SEC14L2: variants seen among roughly 807,000 people sequenced by gnomAD.
The protein encoded by SEC14L2 is SEC14-like protein 2.
A neutral mutation model predicts 56.9 loss-of-function variants in SEC14L2; 50 were observed. That is an observed-to-expected ratio of 0.88 (90% CI 0.70 to 1.11). SEC14L2 has a LOEUF of 1.11. Ranked by LOEUF, SEC14L2 falls within the 50% of genes most tolerant of loss-of-function variation. SEC14L2 has a pLI of 0.00. For missense variants in SEC14L2, 414 were observed against 500.7 expected (o/e 0.83, Z 1.65); for synonymous variants, 179 against 188.5 (o/e 0.95, Z 0.41).
At chr22:30,402,740 G>A in intron 2 of SEC14L2, among the ~76,000 whole-genome samples, 1 of 143,590 alleles carries the variant, frequency 7.0e-6, no homozygotes. Context: ...TCTCAATTGG[G>A]TTTTTTTTTT....
chr22:30,409,563 A>G, intron 7 of SEC14L2, 77 bp downstream of exon 7: 1 of 1,355,222 alleles, frequency 7.4e-7, no homozygotes, highest in Non-Finnish European at 1.1e-6. Context: ...ATGGAGGGTC[A>G]AACAGTGAGC....
At chr22:30,405,077 A>C (rs559886904) in intron 2 of SEC14L2, among the ~76,000 whole-genome samples, 12 of 151,972 alleles carry the variant, frequency 7.9e-5, no homozygotes, top group Admixed American at 7.9e-4. Context: ...TCAAAAAAAA[A>C]AAGAAAAGAA....
chr22:30,397,039 G>A lies in SEC14L2; in HGVS notation c.-78G>A. The A allele has an allele frequency of 1.5e-6, 2 of 1,322,018 alleles. No individual in the cohort carries two copies. The highest frequency in any genetic ancestry group is 2.0e-5 in the Admixed American group (1 of 50,094). The allele number at this position is 1,322,018 out of a possible 1,614,324, so 81.9% of individuals were successfully genotyped here. ...CTGGGACTTTACTCCGGGTGGCGGCGAGGACGAGTCTGTGCTCCATCAGCT... is the reference window on the plus strand; with the variant it reads ...CTGGGACTTTACTCCGGGTGGCGGCAAGGACGAGTCTGTGCTCCATCAGCT... On this transcript the variant is annotated 5_prime_UTR_variant, in exon 1 of 12. Transcript: ENST00000615189.
intron 1 of SEC14L2, chr22:30,398,666 A>G (rs1199776485): frequency 2.1e-6 from 1 of 469,376 alleles, no homozygotes; most frequent in Non-Finnish European, 4.4e-6. Flanking sequence ...CTGCCTTTGA[A>G]GTCCTTCAAG....
intron 8 of SEC14L2, among the ~76,000 whole-genome samples, chr22:30,411,761 A>AGG (rs1702882937): frequency 2.8e-5 from 4 of 142,720 alleles, no homozygotes; most frequent in African/African-American, 1.1e-4. Context: ...AAAAAAAAAA[A>AGG]GGGGTCCCTT....
Position 30,406,986 on chromosome 22 carries a change from A to G in SEC14L2, c.175-109A>G, listed in dbSNP as rs113470193. 7.7e-6 allele frequency: 8 copies of G among 1,033,742 alleles called. No individual in the cohort carries two copies. The African/African-American group carries it at 1.1e-4, about 14-fold the overall frequency. 64.0% of individuals were successfully genotyped at this position (1,033,742 alleles called of 1,614,324 possible). ...AGGCTGGTCTTGAACTCCTGGCCTCAAGTGATCCACCCGCCTTGGCCTCCC... is the reference window on the plus strand; with the variant it reads ...AGGCTGGTCTTGAACTCCTGGCCTCGAGTGATCCACCCGCCTTGGCCTCCC... On this transcript the variant is annotated intron_variant, in intron 3 of 11. Transcript: ENST00000615189.
intron 11 of SEC14L2, among the ~76,000 whole-genome samples, chr22:30,417,143 T>C (rs34911581): frequency 0.079 from 11,990 of 152,274 alleles, 649 homozygotes; most frequent in Non-Finnish European, 0.12. Context: ...TAAACTGACA[T>C]GTAAACTGTC....
intron 2 of SEC14L2, among the ~76,000 whole-genome samples, chr22:30,402,546 G>A (rs1023300580): frequency 1.3e-5 from 2 of 152,128 alleles, no homozygotes; most frequent in Non-Finnish European, 2.9e-5. Flanking sequence ...CAGTTAATGC[G>A]AAGCAGAATC....
chr22:30,407,354 T>G, intron 4 of SEC14L2, 61 bp from the exon 5 acceptor site: 1 of 1,574,314 alleles, frequency 6.4e-7, no homozygotes. Context: ...AGTAAGGCCC[T>G]GTGGTCCAGG....
At chr22:30,418,125 C>T (rs1167699998) in intron 11 of SEC14L2, among the ~76,000 whole-genome samples, 3 of 151,956 alleles carry the variant, frequency 2.0e-5, no homozygotes, top group Non-Finnish European at 4.4e-5. Context: ...GCTGTGTTGC[C>T]CAGGCTGGTC....
chr22:30,403,997 G>A (rs542746895), intron 2 of SEC14L2, among the ~76,000 whole-genome samples: 27 of 121,876 alleles, frequency 2.2e-4, no homozygotes, highest in Non-Finnish European at 3.6e-4. Flanking sequence ...GCGACAGAGC[G>A]AGACTCCGTC....
At position 30,416,522 on chromosome 22, in the gene SEC14L2, C is replaced by T. The variant is rs1809837116; in HGVS notation, c.1081+119C>T. The stretch of plus-strand genomic sequence containing the variant: ...GTTAGAACTAGAAGTGGAATGCCAT[C>T]AGTTCAATCCTCTCCTTGTATAGAT... On this transcript the variant is annotated intron_variant, in intron 11 of 11. Transcript: ENST00000615189. The T allele has an allele frequency of 2.5e-6, 4 of 1,569,528 alleles. No individual in the cohort carries two copies. In the African/African-American group the frequency reaches 4.1e-5, roughly 16 times the overall value.
rs1482174966 is a variant in SEC14L2 at position 30,416,079 on chromosome 22, T to C, written c.903T>C (p.Cys301=). 1.2e-6 allele frequency: 2 copies of C among 1,614,150 alleles called. No homozygotes were observed. Among genetic ancestry groups the C allele is most frequent in the African/African-American group, 1.3e-5 (1 of 74,960 alleles). Residue 301 remains cysteine (C), a synonymous_variant, in exon 10 of 12, where the codon TGT becomes TGC. Coordinates refer to ENST00000615189, the MANE Select transcript of SEC14L2 (RefSeq NM_012429.5). ...AGTATGAGATCCTCTTCCCTGGCTG[T>C]GTCCTCAGGTAGGGGCCTGGGCCCT... ...QVEYEILFPG[C]VLRWQFMSDG... is the part of the protein sequence containing the mutation.
chr22:30,411,527 C>T (rs1455199260), intron 8 of SEC14L2, among the ~76,000 whole-genome samples: 2 of 152,030 alleles, frequency 1.3e-5, no homozygotes, highest in Non-Finnish European at 1.5e-5. Context: ...AGGCGGATCG[C>T]TTGAGCTTAG....
intron 11 of SEC14L2, chr22:30,421,654 A>AGGT (rs1300753080): frequency 6.6e-6 from 1 of 152,128 alleles, no homozygotes; most frequent in Admixed American, 6.5e-5. Context: ...AAGTTTGCAC[A>AGGT]TTTTACCTTT....
intron 7 of SEC14L2, among the ~76,000 whole-genome samples, chr22:30,409,721 G>T (rs184064964): frequency 6.6e-6 from 1 of 151,724 alleles, no homozygotes; most frequent in African/African-American, 2.4e-5. Flanking sequence ...AACACAGCAA[G>T]ACCTCATCTC....
Position 30,422,786 on chromosome 22 carries a change from G to A in SEC14L2, c.*379G>A, listed in dbSNP as rs1303130842. The A allele has an allele frequency of 2.3e-5, 4 of 171,374 alleles. No individual in the cohort carries two copies. The highest frequency in any genetic ancestry group is 5.0e-5 in the Non-Finnish European group (4 of 79,686). 10.6% of individuals were successfully genotyped at this position (171,374 alleles called of 1,614,324 possible). A position where few individuals can be genotyped will look rare whatever the true frequency, so the allele number is the denominator to read the frequency against. ...ACACTTCAGGGAAGTCAGCTGCCGG[G>A]GAGAAACTTGCTCCTAAATGAACAC... On this transcript the variant is annotated 3_prime_UTR_variant, in exon 12 of 12. Coordinates refer to ENST00000615189, the MANE Select transcript of SEC14L2 (RefSeq NM_012429.5).
At chr22:30,398,549 A>C in intron 1 of SEC14L2, 1 of 385,914 alleles carries the variant, frequency 2.6e-6, no homozygotes, top group South Asian at 1.9e-5. Context: ...CTGTCCATTG[A>C]GGTCACTGTC....
intron 11 of SEC14L2, chr22:30,420,582 T>C (rs1934490607): frequency 6.6e-6 from 1 of 152,166 alleles, no homozygotes; most frequent in South Asian, 2.1e-4. Context: ...AGCTTCACTC[T>C]TGCCAGAGGG....
Sources: allele counts gnomAD v4.1 joint callset (sites outside exome capture counted in the v4.1 genomes callset), GRCh38; gene constraint gnomAD v4.1.1; transcripts MANE v1.5; gene names NCBI Gene and HGNC (gene_info 2026-07-23, HGNC 2026-07-21).